Variants in PLXNA4 observed in about 807,000 individuals in gnomAD.
The protein encoded by PLXNA4 is plexin A4, also known as plexin-A4.
A neutral mutation model predicts 191.8 loss-of-function variants in PLXNA4; 44 were observed. That is an observed-to-expected ratio of 0.23 (90% CI 0.18 to 0.29). The LOEUF is 0.29. PLXNA4 is among the 10% of genes least tolerant of loss of function. PLXNA4 has a pLI of 1.00. For missense variants in PLXNA4, 1,800 were observed against 2,488.8 expected, an observed-to-expected ratio of 0.72 and a Z score of 5.89; for synonymous variants, 1,082 against 1,009.5, an observed-to-expected ratio of 1.07 and a Z score of -1.36.
chr7:132,384,320 T>A, intron 3 of PLXNA4: 1 of 985,458 alleles, frequency 1.0e-6, no homozygotes, highest in Non-Finnish European at 1.2e-6. Flanking sequence ...CTTGCCTTCA[T>A]ACACTCTTGA....
chr7:132,413,260 A>T (rs1412223180), intron 3 of PLXNA4, among the ~76,000 whole-genome samples: 1 of 152,164 alleles, frequency 6.6e-6, no homozygotes, highest in Non-Finnish European at 1.5e-5. Context: ...AGCAACTCTG[A>T]AGATTTCCTC....
rs1230708142 is a variant in PLXNA4, at chr7:132,178,841, T to TACACAC, written c.3874+845_3874+846insGTGTGT. Among the ~76,000 whole-genome samples the TACACAC allele has an allele frequency of 1.1e-3, 45 of 42,036 alleles. 2 individuals carry two copies. The highest frequency in any genetic ancestry group is 2.3e-3 in the South Asian group (3 of 1,294). The allele number at this position is 42,036 out of a possible 152,430, so 27.6% of individuals were successfully genotyped here. On this transcript the variant is annotated intron_variant, in intron 20 of 31. Coordinates refer to ENST00000321063, the MANE Select transcript of PLXNA4 (RefSeq NM_020911.2). ...TAAATGAAACACATACACATACACA[T>TACACAC]ATATACACACACACACACACACACA...
chr7:132,611,076 C>A (rs1803037031), intron 2 of PLXNA4, among the ~76,000 whole-genome samples: 1 of 152,224 alleles, frequency 6.6e-6, no homozygotes, highest in African/African-American at 2.4e-5. Context: ...AGCCAGTCCC[C>A]CCGGCCAGCA....
At chr7:132,578,343 G>A (rs769367570), upstream of PLXNA4, among the ~76,000 whole-genome samples, 2 of 152,148 alleles carry the variant, frequency 1.3e-5, no homozygotes, top group Admixed American at 6.5e-5. Context: ...CAGCAAGGAC[G>A]ACCCTCTAAA....
At position 132,337,337 on chromosome 7, in the gene PLXNA4, T is replaced by A. The variant is rs1003165938; in HGVS notation, c.1372-39115A>T. Among the ~76,000 whole-genome samples the A allele has an allele frequency of 2.6e-5, 4 of 152,344 alleles. No individual in the cohort carries two copies. The East Asian group carries it at 7.7e-4, about 29-fold the overall frequency. ...CATACACACTTCCCATGTCCACACATGTCCCCTGGCTGTGGAAGCACATCA... is the reference window on the plus strand; with the variant it reads ...CATACACACTTCCCATGTCCACACAAGTCCCCTGGCTGTGGAAGCACATCA... On this transcript the variant is annotated intron_variant, in intron 3 of 31. Coordinates refer to ENST00000321063, the MANE Select transcript of PLXNA4 (RefSeq NM_020911.2).
chr7:132,156,135 TACACAC>T lies in PLXNA4; in HGVS notation c.4660+3332_4660+3337del, dbSNP rs57153762. Among the ~76,000 whole-genome samples, 895 of 133,094 alleles carry T rather than the reference TACACAC, an allele frequency of 6.7e-3. 14 individuals are homozygous for T. Among genetic ancestry groups the T allele is most frequent in the African/African-American group, 0.018 (625 of 34,396 alleles). 87.3% of individuals were successfully genotyped at this position (133,094 alleles called of 152,430 possible). A position where few individuals can be genotyped will look rare whatever the true frequency, so the allele number is the denominator to read the frequency against. On this transcript the variant is annotated intron_variant, in intron 25 of 31. Transcript: ENST00000321063. ...CTCTCTCTCTCTCTGTTTCTGGACATACACACACACACACACACACACACACACACA... is the reference window on the plus strand; with the variant it reads ...CTCTCTCTCTCTCTGTTTCTGGACATACACACACACACACACACACACACA...
intron 4 of PLXNA4, among the ~76,000 whole-genome samples, chr7:132,246,795 CATCATCATCA>C (rs1799071392): frequency 6.6e-6 from 1 of 151,738 alleles, no homozygotes; most frequent in South Asian, 2.1e-4. Flanking sequence ...TCATCATCAT[CATCATCATCA>C]TCCTCATCAT....
intron 25 of PLXNA4, among the ~76,000 whole-genome samples, chr7:132,150,331 G>A (rs1401046266): frequency 6.6e-6 from 1 of 152,198 alleles, no homozygotes; most frequent in African/African-American, 2.4e-5. Flanking sequence ...GCACTTTTGA[G>A]TGGTTGGAGC....
chr7:132,497,809 A>T, intron 2 of PLXNA4, among the ~76,000 whole-genome samples: 1 of 152,158 alleles, frequency 6.6e-6, no homozygotes, highest in Non-Finnish European at 1.5e-5. Context: ...GGCCATGGAA[A>T]CAATGCTGGA....
chr7:132,621,274 T>TG (rs1803260608), intron 2 of PLXNA4, among the ~76,000 whole-genome samples: 2 of 150,826 alleles, frequency 1.3e-5, no homozygotes, highest in Admixed American at 1.3e-4. Flanking sequence ...TTTTGTTTTT[T>TG]TTTTTAGATG....
At chr7:132,514,350 C>T (rs936281811) in intron 1 of PLXNA4, among the ~76,000 whole-genome samples, 1 of 152,084 alleles carries the variant, frequency 6.6e-6, no homozygotes, top group Non-Finnish European at 1.5e-5. Context: ...TGTGCCTGGC[C>T]GGTGAGACTT....
chr7:132,213,719 G>A (rs1348202256), intron 9 of PLXNA4, among the ~76,000 whole-genome samples: 1 of 152,152 alleles, frequency 6.6e-6, no homozygotes, highest in Non-Finnish European at 1.5e-5. Flanking sequence ...GTGAGTCCAG[G>A]CTCCACTAGA....
intron 2 of PLXNA4, among the ~76,000 whole-genome samples, chr7:132,628,314 G>A (rs993979215): frequency 3.9e-5 from 6 of 151,966 alleles, no homozygotes; most frequent in African/African-American, 1.4e-4. Flanking sequence ...GTTGACTCCT[G>A]CTCCTTTGTA....
chr7:132,250,551 A>C (rs1414736330), intron 4 of PLXNA4, among the ~76,000 whole-genome samples: 1 of 152,140 alleles, frequency 6.6e-6, no homozygotes. Context: ...TCATGCTCAC[A>C]TTCACACACA....
intron 3 of PLXNA4, among the ~76,000 whole-genome samples, chr7:132,410,430 C>T (rs537379760): frequency 6.6e-6 from 1 of 152,330 alleles, no homozygotes; most frequent in African/African-American, 2.4e-5. Flanking sequence ...TGCCTTGTCA[C>T]TCGCACAGCT....
intron 1 of PLXNA4, among the ~76,000 whole-genome samples, chr7:132,561,534 TCTCCTCCTCCTTCTC>T (rs1801069762): frequency 1.2e-4 from 7 of 56,126 alleles, no homozygotes; most frequent in African/African-American, 4.6e-4. Flanking sequence ...TCCTCCTCCT[TCTCCTCCTCCTTCTC>T]CTCCTCCTTC....
intron 3 of PLXNA4, among the ~76,000 whole-genome samples, chr7:132,421,642 T>C (rs1311851707): frequency 2.0e-5 from 3 of 152,102 alleles, no homozygotes; most frequent in African/African-American, 4.8e-5. Flanking sequence ...ATAATGACTG[T>C]TGTGAAGAAG....
At chr7:132,612,699 T>C (rs539842628) in intron 2 of PLXNA4, among the ~76,000 whole-genome samples, 1 of 147,760 alleles carries the variant, frequency 6.8e-6, no homozygotes. Flanking sequence ...TCATCCTGAC[T>C]CTTTCTCCCT....
At chr7:132,581,698 T>A (rs1233077379), upstream of PLXNA4, among the ~76,000 whole-genome samples, 1 of 151,962 alleles carries the variant, frequency 6.6e-6, no homozygotes, top group African/African-American at 2.4e-5. Context: ...GGGGGGTTGG[T>A]GTTTAGGTGG....
Sources: gnomAD v4.1 joint callset for allele counts (sites outside exome capture counted in the v4.1 genomes callset) on GRCh38, gnomAD v4.1.1 for gene constraint, MANE v1.5 for transcripts, NCBI Gene and HGNC (gene_info 2026-07-23, HGNC 2026-07-21) for gene names.